The following IRAK1 variants were observed in gnomAD, a reference collection of about 807,000 sequenced individuals.
IRAK1 encodes interleukin-1 receptor-associated kinase 1.
A neutral mutation model predicts 49.8 loss-of-function variants in IRAK1; 9 were observed. That is an observed-to-expected ratio of 0.18 (90% CI 0.11 to 0.32). The LOEUF (loss-of-function observed/expected upper bound fraction) is 0.32, where lower values mean the gene tolerates loss of function less well. Ranked by LOEUF, IRAK1 falls within the 10% of genes least tolerant of loss-of-function variation. The pLI is 1.00. For synonymous variants in IRAK1, 282 were observed against 270.8 expected, an observed-to-expected ratio of 1.04 and a Z score of -0.41; for missense variants, 418 against 600.5, an observed-to-expected ratio of 0.70 and a Z score of 3.18.
At position 154,016,025 on chromosome X, in the gene IRAK1, G is replaced by A. The variant is rs1939949907; in HGVS notation, c.1302+7C>T. On this transcript the variant is annotated splice_region_variant and intron_variant, in intron 10 of 13. Transcript: ENST00000369980. ...TGTCCCTCCTGGCCCTGCCTCAAGG[G>A]GCTCACCAGATACTTGGTCCTGGCA... 1 of 1,204,391 alleles carries A rather than the reference G, an allele frequency of 8.3e-7. No homozygotes were observed. The highest frequency in any genetic ancestry group is 1.1e-6 in the Non-Finnish European group (1 of 890,009).
At position 154,010,534 on chromosome X, in the gene IRAK1, G is replaced by C. The variant is rs1557127137; in HGVS notation, c.*1325C>G. ...GCAACATACGTTTTTATTACTCAAG[G>C]ACAACCTGGACGTCACCAATGCCCA... On this transcript the variant is annotated 3_prime_UTR_variant, in exon 14 of 14. Coordinates refer to ENST00000369980, the MANE Select transcript of IRAK1 (RefSeq NM_001569.4). 7.7e-6 allele frequency: 1 copy of C among 130,548 alleles called. No individual in the cohort carries two copies. Among genetic ancestry groups the C allele is most frequent in the Non-Finnish European group, 1.6e-5 (1 of 63,195 alleles). The allele number at this position is 130,548 out of a possible 1,213,427, so 10.8% of individuals were successfully genotyped here.
In IRAK1 at chrX:154,019,295, G is replaced by A. The variant is rs11465829; in HGVS notation, c.338C>T (p.Thr113Ile). 6.0e-4 allele frequency: 704 copies of A among 1,179,865 alleles called. 3 individuals carry two copies. In the African/African-American group the frequency reaches 0.011, roughly 19 times the overall value. Residue 113 changes from threonine (T) to isoleucine (I), a missense_variant, in exon 3 of 14, where the codon ACC becomes ATC. Physicochemically the swap from Thr to Ile is moderately conservative, Grantham distance 89. Around this residue, in one of 3 missense-constraint regions of IRAK1, gnomAD observed 377 missense variants for 499.5 expected, o/e 0.75. Transcript: ENST00000369980. The stretch of plus-strand genomic sequence containing the variant: ...GATGCTGCTGGGCCTCGGGGCAGTG[G>A]TGCCTGGGGACGGAAGCGGGGCGGG... ...HPPAPLPSPGTTAPRPSSIPA... is the reference protein window; with the variant it reads ...HPPAPLPSPGITAPRPSSIPA...
Position 154,018,806 on chromosome X carries a change from G to A in IRAK1, c.541-19C>T. 1.3e-6 allele frequency: 1 copy of A among 769,149 alleles called. No homozygotes were observed. The highest frequency in any genetic ancestry group is 2.0e-6 in the Non-Finnish European group (1 of 501,457). 63.4% of individuals were successfully genotyped at this position (769,149 alleles called of 1,213,427 possible). A position where few individuals can be genotyped will look rare whatever the true frequency, so the allele number is the denominator to read the frequency against. Reference sequence around the variant, plus strand: ...GGCCTGGCTGTGGGAAGAGAGCCTGGATCAGGTGGGGTCCCTGTCTCTTCC... The same window carrying A: ...GGCCTGGCTGTGGGAAGAGAGCCTGAATCAGGTGGGGTCCCTGTCTCTTCC... On this transcript the variant is annotated intron_variant, in intron 4 of 13. Transcript: ENST00000369980.
In IRAK1 at chrX:154,014,064, T is replaced by C. The variant is rs782817343; in HGVS notation, c.1517A>G (p.Lys506Arg). 5 of 1,194,764 alleles carry C rather than the reference T, an allele frequency of 4.2e-6. No individual in the cohort carries two copies. Among genetic ancestry groups the C allele is most frequent in the Non-Finnish European group, 5.6e-6 (5 of 890,878 alleles). ...TACCTGGGTCATAGGAGGCCTCCTTTTGGCCCGGCGGTGCAGGCAGCAGCA... is the reference window on the plus strand; with the variant it reads ...TACCTGGGTCATAGGAGGCCTCCTTCTGGCCCGGCGGTGCAGGCAGCAGCA... Reference protein sequence around the residue: ...LACCCLHRRAKRRPPMTQVYE... With the variant: ...LACCCLHRRARRRPPMTQVYE... The change falls in exon 11 of 14, where the codon AAA becomes AGA. Residue 506 changes from lysine (K) to arginine (R), a missense_variant. Lys to Arg is a conservative substitution (Grantham distance 26). Coordinates refer to ENST00000369980, the MANE Select transcript of IRAK1 (RefSeq NM_001569.4).
At chrX:154,017,688 C>T (rs1473608187) in intron 7 of IRAK1, among the ~76,000 whole-genome samples, 1 of 105,004 alleles carries the variant, frequency 9.5e-6, no homozygotes, top group African/African-American at 3.5e-5. Flanking sequence ...CCCAGCTACT[C>T]GGGAGGCTGC....
rs11465834 is a variant in IRAK1, at chrX:154,017,659, G to C, written c.909+347C>G. Reference sequence around the variant, plus strand: ...AAAAATACAAAAATTAGGCAGGTGTGGTGGTGCATGCCTGTAGTCCCAGCT... The same window carrying C: ...AAAAATACAAAAATTAGGCAGGTGTCGTGGTGCATGCCTGTAGTCCCAGCT... On this transcript the variant is annotated intron_variant, in intron 7 of 13. Transcript: ENST00000369980. Among the ~76,000 whole-genome samples, 310 of 109,934 alleles carry C rather than the reference G, an allele frequency of 2.8e-3. 2 individuals are homozygous for C. The highest frequency in any genetic ancestry group is 0.01 in the African/African-American group (303 of 30,229).
intron 9 of IRAK1, 139 bp downstream of exon 9, chrX:154,016,298 G>A (rs980670644): frequency 3.2e-6 from 2 of 623,620 alleles, no homozygotes; most frequent in Admixed American, 2.8e-5. Flanking sequence ...GGAGGGCCTC[G>A]GAGGGAGGGG....
chrX:154,014,991 G>A (rs2065728676), intron 10 of IRAK1, among the ~76,000 whole-genome samples: 2 of 111,125 alleles, frequency 1.8e-5, no homozygotes, highest in Non-Finnish European at 1.9e-5. Context: ...GAGGCGCCCC[G>A]CAGAGAGGCG....
chrX:154,010,951 C>T lies in IRAK1; in HGVS notation c.*908G>A, dbSNP rs1358932574. ...TGCAGGCCACCACATTAGGCCAGCT[C>T]GCAGGTCCCCAGTAAAGCCTGAAGA... On this transcript the variant is annotated 3_prime_UTR_variant, in exon 14 of 14. Coordinates refer to ENST00000369980, the MANE Select transcript of IRAK1 (RefSeq NM_001569.4). 1.2e-5 allele frequency: 4 copies of T among 340,828 alleles called. No homozygotes were observed. The highest frequency in any genetic ancestry group is 8.0e-5 in the African/African-American group (3 of 37,728). 28.1% of individuals were successfully genotyped at this position (340,828 alleles called of 1,213,427 possible).
rs2148641371 is a variant in IRAK1 at position 154,016,940 on chromosome X, C to T, written c.1028+9G>A. The T allele has an allele frequency of 2.6e-6, 3 of 1,153,443 alleles. No individual in the cohort carries two copies. The highest frequency in any genetic ancestry group is 6.0e-5 in the East Asian group (2 of 33,591). ...CCTGCCCCGGCAGTTCTCAAGGGCC[C>T]CTCCTCACCTCTTGATGTCTCCATG... is the stretch of plus-strand genomic sequence containing the variant. On this transcript the variant is annotated intron_variant, in intron 8 of 13. Transcript: ENST00000369980.
chrX:154,012,458 C>T (rs1250648959), intron 13 of IRAK1, 71 bp downstream of exon 13: 10 of 1,124,768 alleles, frequency 8.9e-6, no homozygotes, highest in Non-Finnish European at 1.2e-5. Context: ...GCAGTCGGGA[C>T]AGACACTCTG....
rs782420815 is a variant in IRAK1, at chrX:154,014,142, G to C, written c.1439C>G (p.Pro480Arg). 1 of 1,209,022 alleles carries C rather than the reference G, an allele frequency of 8.3e-7. No individual in the cohort carries two copies. The highest frequency in any genetic ancestry group is 1.8e-5 in the South Asian group (1 of 56,825). ...CTCAGGTGGGCAGGGCCCGGGCCTG[G>C]GGTCCAGGTGCTTCTTGTAGATCTG... Reference protein sequence around the residue: ...AMQIYKKHLDPRPGPCPPELG... With the variant: ...AMQIYKKHLDRRPGPCPPELG... The change falls in exon 11 of 14, where the codon CCC becomes CGC. Residue 480 changes from proline to arginine, a missense_variant. Coordinates refer to ENST00000369980, the MANE Select transcript of IRAK1 (RefSeq NM_001569.4).
At chrX:154,015,818 C>G (rs1557128987) in intron 10 of IRAK1, among the ~76,000 whole-genome samples, 1 of 112,656 alleles carries the variant, frequency 8.9e-6, no homozygotes, top group East Asian at 2.8e-4. Context: ...CAGGTGGGGT[C>G]TGTACAAGGC....
intron 7 of IRAK1, among the ~76,000 whole-genome samples, chrX:154,017,504 C>T (rs1557129659): frequency 1.8e-5 from 2 of 112,178 alleles, no homozygotes; most frequent in Admixed American, 9.4e-5. Context: ...CTATAGAAAA[C>T]ATTGGGTCGG....
intron 8 of IRAK1, 68 bp downstream of exon 8, chrX:154,016,881 A>C: frequency 1.2e-6 from 1 of 804,215 alleles, no homozygotes; most frequent in Non-Finnish European, 1.9e-6. Flanking sequence ...TGATCCCCAC[A>C]TTGATAGGAC....
At chrX:154,018,395 G>T in intron 5 of IRAK1, 40 bp from the exon 6 acceptor site, 1 of 1,084,998 alleles carries the variant, frequency 9.2e-7, no homozygotes, top group Non-Finnish European at 1.3e-6. Context: ...GGGCAGGGAA[G>T]ACGGGCAGCG....
At chrX:154,013,563 C>G (rs187973801) in intron 11 of IRAK1, 130 bp from the exon 12 acceptor site, 2 of 609,631 alleles carry the variant, frequency 3.3e-6, no homozygotes, top group Non-Finnish European at 4.9e-6. Context: ...TACCCTGCAG[C>G]TGGGAACGCT....
Position 154,019,743 on chromosome X carries a change from G to T in IRAK1, c.70C>A (p.Pro24Thr). Residue 24 changes from proline to threonine, a missense_variant, in exon 1 of 14, where the codon CCC (proline) becomes ACC (threonine). Around this residue, in one of 3 missense-constraint regions of IRAK1, gnomAD observed 21 missense variants for 84.9 expected, o/e 0.25. Transcript: ENST00000369980. ...GAQHFLYEVP[P>T]WVMCRFYKVM... ...TTGTAGAAGCGGCACATGACCCAGG[G>T]CGGCACCTCGTACAAGAAGTGCTGG... 1.0e-6 allele frequency: 1 copy of T among 968,806 alleles called. No individual in the cohort carries two copies. The allele number at this position is 968,806 out of a possible 1,213,427, so 79.8% of individuals were successfully genotyped here.
At chrX:154,015,583 C>T (rs2065733163) in intron 10 of IRAK1, among the ~76,000 whole-genome samples, 1 of 112,885 alleles carries the variant, frequency 8.9e-6, no homozygotes, top group Admixed American at 9.3e-5. Flanking sequence ...AGTCTCCTGG[C>T]CCCACCACAG....
Sources: allele counts gnomAD v4.1 joint callset (sites outside exome capture counted in the v4.1 genomes callset), GRCh38; gene constraint gnomAD v4.1.1; regional missense constraint gnomAD v4.1.1; transcripts MANE v1.5; gene names NCBI Gene and HGNC (gene_info 2026-07-23, HGNC 2026-07-21).